The following CNTN4 variants were observed in gnomAD, a reference collection of about 807,000 sequenced individuals.
The protein encoded by CNTN4 is contactin 4, also known as contactin-4.
Under a neutral mutation model 122.5 loss-of-function variants are expected in CNTN4, and 77 were observed. The observed-to-expected ratio is 0.63, with a 90% CI of 0.52 to 0.76. CNTN4 has a LOEUF of 0.76. Ranked by LOEUF, CNTN4 falls within the 30% of genes least tolerant of loss-of-function variation. The probability of loss-of-function intolerance (pLI) is 0.00; values close to 1 mark genes in which losing one functional copy is unlikely to be tolerated. For missense variants in CNTN4, 1,256 were observed against 1,259.1 expected (o/e 1.00, Z 0.04); for synonymous variants, 512 against 447.0 (o/e 1.15, Z -1.83).
intron 3 of CNTN4, among the ~76,000 whole-genome samples, chr3:2,355,340 A>G (rs1250700731): frequency 4.6e-5 from 7 of 152,202 alleles, no homozygotes; most frequent in Admixed American, 4.6e-4. Context: ...AAAAATATGG[A>G]GCATAAATAT....
At chr3:2,880,976 A>G (rs1390149669) in intron 8 of CNTN4, among the ~76,000 whole-genome samples, 2 of 152,210 alleles carry the variant, frequency 1.3e-5, no homozygotes, top group African/African-American at 4.8e-5. Flanking sequence ...TACCCAGATT[A>G]AGGTTGCTGA....
chr3:2,189,562 C>T (rs151135558), intron 2 of CNTN4, among the ~76,000 whole-genome samples: 135 of 152,234 alleles, frequency 8.9e-4, no homozygotes, highest in African/African-American at 3.1e-3. Flanking sequence ...GAGATTGATA[C>T]CCTGAGAGAG....
intron 4 of CNTN4, among the ~76,000 whole-genome samples, chr3:2,702,768 G>A (rs1559404689): frequency 6.6e-6 from 1 of 151,884 alleles, no homozygotes; most frequent in East Asian, 1.9e-4. Flanking sequence ...CACGTGAACT[G>A]TATGGAAGGA....
At chr3:2,354,100 C>T (rs1256483532) in intron 3 of CNTN4, among the ~76,000 whole-genome samples, 3 of 152,290 alleles carry the variant, frequency 2.0e-5, no homozygotes, top group Non-Finnish European at 4.4e-5. Flanking sequence ...ATTAAAAACA[C>T]GTAAGTTCAG....
Position 2,903,041 on chromosome 3 carries a change from A to G in CNTN4, c.1207+36A>G, listed in dbSNP as rs778131316. 4 of 1,602,336 alleles carry G rather than the reference A, an allele frequency of 2.5e-6. No individual in the cohort carries two copies. In the Admixed American group the frequency reaches 6.7e-5, roughly 27 times the overall value. On this transcript the variant is annotated intron_variant, in intron 12 of 24. Coordinates refer to ENST00000418658, the MANE Select transcript of CNTN4 (RefSeq NM_175607.3). Reference sequence around the variant, plus strand: ...ATACTGGCAAGAAAAAAAAATTAAAACTCTTTAGATCACTAAACTAACTTG... The same window carrying G: ...ATACTGGCAAGAAAAAAAAATTAAAGCTCTTTAGATCACTAAACTAACTTG...
intron 2 of CNTN4, among the ~76,000 whole-genome samples, chr3:2,284,128 A>G (rs953961539): frequency 7.9e-5 from 12 of 152,126 alleles, no homozygotes; most frequent in Admixed American, 6.6e-4. Context: ...AGCAGAGATC[A>G]TAGATGGCTA....
intron 3 of CNTN4, among the ~76,000 whole-genome samples, chr3:2,373,511 A>C (rs1023675239): frequency 6.6e-6 from 1 of 152,352 alleles, no homozygotes; most frequent in South Asian, 2.1e-4. Flanking sequence ...TACATGAGTT[A>C]GTGTTTGCTT....
Position 2,353,877 on chromosome 3 carries a change from C to T in CNTN4, c.-89+14644C>T, listed in dbSNP as rs535736172. On this transcript the variant is annotated intron_variant, in intron 3 of 24. Coordinates refer to ENST00000418658, the MANE Select transcript of CNTN4 (RefSeq NM_175607.3). ...TGGCGCCACCGCACTCCAGCCTGGGCGACAGAGCGAGACTCCGTCTCAAAA... is the reference window on the plus strand; with the variant it reads ...TGGCGCCACCGCACTCCAGCCTGGGTGACAGAGCGAGACTCCGTCTCAAAA... 4.0e-4 allele frequency among the ~76,000 whole-genome samples: 61 copies of T among 151,870 alleles called. 1 individual carries two copies. The highest frequency in any genetic ancestry group is 3.9e-4 in the African/African-American group (16 of 41,430).
At chr3:2,797,209 C>T (rs2092213643) in intron 6 of CNTN4, among the ~76,000 whole-genome samples, 3 of 152,060 alleles carry the variant, frequency 2.0e-5, no homozygotes, top group South Asian at 4.1e-4. Flanking sequence ...CTATGTTGTC[C>T]AGGCTGGTCT....
chr3:2,840,863 C>T (rs1388564299), intron 7 of CNTN4, among the ~76,000 whole-genome samples: 1 of 151,932 alleles, frequency 6.6e-6, no homozygotes, highest in Non-Finnish European at 1.5e-5. Context: ...TGCTGTGTGA[C>T]CTCCCTGTGT....
intron 4 of CNTN4, among the ~76,000 whole-genome samples, chr3:2,667,967 C>T (rs1327086907): frequency 1.3e-5 from 2 of 151,978 alleles, no homozygotes; most frequent in African/African-American, 4.8e-5. Context: ...GTTTTGGTAC[C>T]AGTACCATGC....
intron 4 of CNTN4, among the ~76,000 whole-genome samples, chr3:2,650,587 T>C (rs2083317361): frequency 6.6e-6 from 1 of 152,172 alleles, no homozygotes; most frequent in Non-Finnish European, 1.5e-5. Flanking sequence ...CAAACTTCAA[T>C]GTTGTCTTAT....
rs148584821 is a variant in CNTN4, at chr3:3,054,566, C to A, written c.2980+591C>A. The stretch of plus-strand genomic sequence containing the variant: ...CATTCAATTCTGTTTTTACAAATAC[C>A]ATGTTTGTAAGTATCTTAAGAGCAT... On this transcript the variant is annotated intron_variant, in intron 24 of 24. Transcript: ENST00000418658. 3.3e-3 allele frequency among the ~76,000 whole-genome samples: 500 copies of A among 152,100 alleles called. 1 individual carries two copies. Among genetic ancestry groups the A allele is most frequent in the African/African-American group, 0.012 (484 of 41,490 alleles).
At chr3:2,477,273 T>G (rs1201202285) in intron 3 of CNTN4, among the ~76,000 whole-genome samples, 3 of 152,222 alleles carry the variant, frequency 2.0e-5, no homozygotes, top group African/African-American at 7.2e-5. Context: ...GCTCCAACTA[T>G]AAATGACATC....
intron 6 of CNTN4, among the ~76,000 whole-genome samples, chr3:2,782,004 T>G (rs1449861074): frequency 6.6e-6 from 1 of 151,924 alleles, no homozygotes; most frequent in Non-Finnish European, 1.5e-5. Flanking sequence ...ATTACAGGCA[T>G]GAGCCACCGG....
At chr3:2,601,182 T>C (rs145428742) in intron 4 of CNTN4, among the ~76,000 whole-genome samples, 8,261 of 152,108 alleles carry the variant, frequency 0.054, 721 homozygotes, top group African/African-American at 0.19. Flanking sequence ...GTTTCTTTTG[T>C]TGTGCAGAAG....
At chr3:2,429,431 G>A (rs915857011) in intron 3 of CNTN4, among the ~76,000 whole-genome samples, 1 of 152,118 alleles carries the variant, frequency 6.6e-6, no homozygotes, top group South Asian at 2.1e-4. Flanking sequence ...CTGCCTGATC[G>A]TTCCTCTGGA....
chr3:2,785,717 C>T (rs984714403), intron 6 of CNTN4, among the ~76,000 whole-genome samples: 1 of 152,118 alleles, frequency 6.6e-6, no homozygotes, highest in South Asian at 2.1e-4. Flanking sequence ...TGTGCTACCA[C>T]CCCATGTGGC....
At chr3:2,648,359 G>A (rs765076862) in intron 4 of CNTN4, among the ~76,000 whole-genome samples, 88 of 152,256 alleles carry the variant, frequency 5.8e-4, no homozygotes, top group Middle Eastern at 6.8e-3. Context: ...TGCCAACACT[G>A]CATCGAGCAA....
Sources: allele counts gnomAD v4.1 joint callset (sites outside exome capture counted in the v4.1 genomes callset), GRCh38; gene constraint gnomAD v4.1.1; transcripts MANE v1.5; gene names NCBI Gene and HGNC (gene_info 2026-07-23, HGNC 2026-07-21).